Variants in PRAG1 observed in about 807,000 individuals in gnomAD.
PRAG1 encodes inactive tyrosine-protein kinase PRAG1.
Under a neutral mutation model 95.6 loss-of-function variants are expected in PRAG1, and 110 were observed. The ratio of observed to expected loss-of-function variants is 1.15; its 90% CI spans 0.99 to 1.35. The LOEUF is 1.35. PRAG1 is among the 40% of genes most tolerant of loss of function. The pLI is 0.00. For synonymous variants in PRAG1, 1,052 were observed against 819.4 expected, an observed-to-expected ratio of 1.28 and a Z score of -4.85; for missense variants, 2,554 against 1,864.7, an observed-to-expected ratio of 1.37 and a Z score of -6.81.
At chr8:8,340,422 C>T (rs538349693) in intron 3 of PRAG1, among the ~76,000 whole-genome samples, 45 of 152,324 alleles carry the variant, frequency 3.0e-4, no homozygotes, top group African/African-American at 9.6e-4. Context: ...CATGAATATT[C>T]ATTTCTGATC....
intron 3 of PRAG1, among the ~76,000 whole-genome samples, chr8:8,355,138 A>G (rs1468689744): frequency 6.6e-6 from 1 of 152,168 alleles, no homozygotes; most frequent in Non-Finnish European, 1.5e-5. Context: ...AATCCAGGTG[A>G]AAAAACAAAA....
chr8:8,327,967 G>A lies in PRAG1; in HGVS notation c.2815C>T (p.His939Tyr), dbSNP rs1427591016. ...CTGCTGATGTTGCTCAGGAGACCGT[G>A]CAGCTGAAGCTGGGTGCTCCCGGTG... The part of the protein sequence containing the change: ...ASTGSTQLQL[H>Y]GLLSNISSKE... Residue 939 changes from histidine (H) to tyrosine (Y), a missense_variant, in exon 5 of 6, where the codon CAC becomes TAC. His to Tyr is a moderately conservative substitution (Grantham distance 83). Transcript: ENST00000615670. 1 of 1,605,552 alleles carries A rather than the reference G, an allele frequency of 6.2e-7. No individual in the cohort carries two copies. Among genetic ancestry groups the A allele is most frequent in the Non-Finnish European group, 8.5e-7 (1 of 1,174,760 alleles).
intron 2 of PRAG1, 93 bp downstream of exon 2, chr8:8,381,325 G>C (rs1800635468): frequency 6.9e-6 from 9 of 1,303,226 alleles, no homozygotes; most frequent in Non-Finnish European, 9.5e-6. Flanking sequence ...CAGGTTTCTT[G>C]CTGGAACAGC....
At chr8:8,322,434 C>T (rs938531632) in intron 5 of PRAG1, among the ~76,000 whole-genome samples, 2 of 152,052 alleles carry the variant, frequency 1.3e-5, no homozygotes, top group African/African-American at 4.8e-5. Flanking sequence ...CAGCTTGGGC[C>T]ATTTTAAACA....
chr8:8,376,985 G>A lies in PRAG1; in HGVS notation c.1424C>T (p.Thr475Ile), dbSNP rs376732286. 5 of 1,613,642 alleles carry A rather than the reference G, an allele frequency of 3.1e-6. No individual in the cohort carries two copies. Among genetic ancestry groups the A allele is most frequent in the African/African-American group, 2.7e-5 (2 of 74,942 alleles). Residue 475 changes from threonine (T) to isoleucine (I), a missense_variant, in exon 3 of 6, where the codon ACA becomes ATA. Coordinates refer to ENST00000615670, the MANE Select transcript of PRAG1 (RefSeq NM_001080826.3). Reference sequence around the variant, plus strand: ...CTCTTCCGGGTGGGCCGCCATGACTGTGATGGTGGCTGACACCTGGGGAGT... The same window carrying A: ...CTCTTCCGGGTGGGCCGCCATGACTATGATGGTGGCTGACACCTGGGGAGT... ...DPTPQVSATI[T>I]VMAAHPEEDH...
intron 1 of PRAG1, among the ~76,000 whole-genome samples, 180 bp downstream of exon 1, chr8:8,386,141 C>T (rs1002558812): frequency 1.3e-5 from 2 of 152,106 alleles, no homozygotes; most frequent in African/African-American, 4.8e-5. Flanking sequence ...GGGCGCCTCC[C>T]TGCACCTCGG....
chr8:8,345,387 G>C (rs943370733), intron 3 of PRAG1, among the ~76,000 whole-genome samples: 5 of 148,694 alleles, frequency 3.4e-5, no homozygotes, highest in African/African-American at 1.2e-4. Flanking sequence ...AAAAAAGAAA[G>C]AAAGAAAGAA....
intron 4 of PRAG1, among the ~76,000 whole-genome samples, chr8:8,333,487 A>G (rs1183736190): frequency 6.6e-6 from 1 of 152,256 alleles, no homozygotes; most frequent in African/African-American, 2.4e-5. Context: ...TTTAGAAAGC[A>G]GAGATGAGAA....
intron 5 of PRAG1, among the ~76,000 whole-genome samples, chr8:8,322,081 C>T (rs892929816): frequency 2.1e-4 from 32 of 152,240 alleles, no homozygotes; most frequent in Admixed American, 4.6e-4. Flanking sequence ...TATGTTTTTA[C>T]CCATGAGGCA....
chr8:8,346,143 T>A (rs1039912125), intron 3 of PRAG1, among the ~76,000 whole-genome samples: 4 of 152,218 alleles, frequency 2.6e-5, no homozygotes, highest in African/African-American at 9.6e-5. Flanking sequence ...ATAACAAGAC[T>A]ACTTAGCCTT....
chr8:8,358,035 G>A (rs1184389814), intron 3 of PRAG1, among the ~76,000 whole-genome samples: 1 of 152,152 alleles, frequency 6.6e-6, no homozygotes. Context: ...CAGGTTGAGG[G>A]TTCAGTTTCA....
Position 8,319,136 on chromosome 8 carries a change from G to T in PRAG1, c.3239C>A (p.Pro1080His), listed in dbSNP as rs760337581. 1 of 1,606,006 alleles carries T rather than the reference G, an allele frequency of 6.2e-7. No homozygotes were observed. The highest frequency in any genetic ancestry group is 8.5e-7 in the Non-Finnish European group (1 of 1,176,810). ...CACGCAGTCCTGCTCCTGGGCAGGG[G>T]GGTGTGTGGGCAGGGCAGGCACAGG... Reference protein sequence around the residue: ...KDPVPALPTHPPAQEQDCVVV... With the variant: ...KDPVPALPTHHPAQEQDCVVV... Residue 1080 changes from proline (P) to histidine (H), a missense_variant, in exon 6 of 6, where the codon CCC becomes CAC. Physicochemically the swap from Pro to His is moderately conservative, Grantham distance 77. Transcript: ENST00000615670.
At chr8:8,352,923 T>TA (rs781042035) in intron 3 of PRAG1, among the ~76,000 whole-genome samples, 16 of 152,294 alleles carry the variant, frequency 1.1e-4, no homozygotes, top group Non-Finnish European at 1.6e-4. Context: ...TGGCAATACT[T>TA]ATATGAGATA....
chr8:8,365,315 A>G (rs886084028), intron 3 of PRAG1, among the ~76,000 whole-genome samples: 3 of 152,208 alleles, frequency 2.0e-5, no homozygotes, highest in Middle Eastern at 3.4e-3. Flanking sequence ...TCACTCCCCA[A>G]TCCTGGGCAC....
intron 3 of PRAG1, among the ~76,000 whole-genome samples, chr8:8,367,897 TC>T (rs2116909218): frequency 6.6e-6 from 1 of 152,272 alleles, no homozygotes; most frequent in South Asian, 2.1e-4. Flanking sequence ...TGCCTCAGCC[TC>T]CCAAAATGCT....
intron 4 of PRAG1, among the ~76,000 whole-genome samples, chr8:8,336,368 C>T (rs144312879): frequency 2.1e-4 from 32 of 152,310 alleles, no homozygotes; most frequent in African/African-American, 7.5e-4. Context: ...TCCAACCATC[C>T]ATTCCCTGCA....
In PRAG1 at chr8:8,376,281, T is replaced by C; in HGVS notation, c.2128A>G (p.Thr710Ala). The change falls in exon 3 of 6, where the codon ACA becomes GCA. Residue 710 changes from threonine (T) to alanine (A), a missense_variant. By Grantham distance (58) the Thr-to-Ala change is moderately conservative (BLOSUM62 0). Transcript: ENST00000615670. Reference protein sequence around the residue: ...EFPKDRSGIETFSPPPPPPKS... With the variant: ...EFPKDRSGIEAFSPPPPPPKS... ...GGAGGCGGAGGAGGAGGTGAGAATG[T>C]CTCAATCCCACTTCTGTCCTTGGGG... The C allele has an allele frequency of 6.2e-7, 1 of 1,614,080 alleles. No individual in the cohort carries two copies. Among genetic ancestry groups the C allele is most frequent in the Non-Finnish European group, 8.5e-7 (1 of 1,180,012 alleles).
chr8:8,340,402 C>G (rs1799124998), intron 3 of PRAG1, among the ~76,000 whole-genome samples: 1 of 152,232 alleles, frequency 6.6e-6, no homozygotes, highest in South Asian at 2.1e-4. Flanking sequence ...TTCCCACTTT[C>G]CAAGGGCCAC....
intron 3 of PRAG1, among the ~76,000 whole-genome samples, chr8:8,350,296 T>C (rs1176549749): frequency 1.3e-5 from 2 of 152,108 alleles, no homozygotes; most frequent in Admixed American, 6.5e-5. Context: ...GAGCTGCTGA[T>C]GAGCAGGTAA....
Sources: gnomAD v4.1 joint callset for allele counts (sites outside exome capture counted in the v4.1 genomes callset) on GRCh38, gnomAD v4.1.1 for gene constraint, MANE v1.5 for transcripts, NCBI Gene and HGNC (gene_info 2026-07-23, HGNC 2026-07-21) for gene names.